The following CPNE4 variants were observed in gnomAD, a reference collection of about 807,000 sequenced individuals.
CPNE4 encodes copine 4.
Under a neutral mutation model 67.9 loss-of-function variants are expected in CPNE4, and 25 were observed. The observed-to-expected ratio is 0.37, with a 90% confidence interval of 0.27 to 0.51. The LOEUF is 0.51. Ranked by LOEUF, CPNE4 falls within the 20% of genes least tolerant of loss-of-function variation. The pLI is 0.93. For synonymous variants in CPNE4, 242 were observed against 244.9 expected (o/e 0.99, Z 0.11); for missense variants, 464 against 690.8 (o/e 0.67, Z 3.68).
chr3:131,961,157 A>G (rs1199847004), intron 1 of CPNE4, among the ~76,000 whole-genome samples: 1 of 152,232 alleles, frequency 6.6e-6, no homozygotes, highest in Non-Finnish European at 1.5e-5. Context: ...ATACTTTTGT[A>G]GAGAAAGTTA....
rs1936074543 is a variant in CPNE4, at chr3:131,549,840, CA to C, written c.1302+106del. The C allele has an allele frequency of 2.3e-6, 3 of 1,299,058 alleles. No homozygotes were observed. In the East Asian group the frequency reaches 7.0e-5, roughly 30 times the overall value. 80.5% of individuals were successfully genotyped at this position (1,299,058 alleles called of 1,614,324 possible). A position where few individuals can be genotyped will look rare whatever the true frequency, so the allele number is the denominator to read the frequency against. On this transcript the variant is annotated intron_variant, in intron 14 of 15. Transcript: ENST00000429747. The stretch of plus-strand genomic sequence containing the variant: ...GTTAAGTCATTTGTCCAAATTCACA[CA>C]GGGAGAAGTGTTGGAATTTATTGTT...
At chr3:131,990,941 C>CTT in intron 1 of CPNE4, among the ~76,000 whole-genome samples, 1 of 136,192 alleles carries the variant, frequency 7.3e-6, no homozygotes, top group East Asian at 2.4e-4. Context: ...TTATAAGGGG[C>CTT]TTTCCCCCCT....
Position 131,653,139 on chromosome 3 carries a change from ACTT to A in CPNE4, c.681+16533_681+16535del, listed in dbSNP as rs1374959366. On this transcript the variant is annotated intron_variant, in intron 7 of 15. Transcript: ENST00000429747. ...TTAACTCACATGGATTACTGATAGG[ACTT>A]CTTTTTTTTTTTTTTTTTTTTTTTG... Among the ~76,000 whole-genome samples the A allele has an allele frequency of 4.3e-5, 6 of 138,948 alleles. No individual in the cohort carries two copies. In the East Asian group the frequency reaches 6.2e-4, roughly 14 times the overall value. The allele number at this position is 138,948 out of a possible 152,430, so 91.2% of individuals were successfully genotyped here. A position where few individuals can be genotyped will look rare whatever the true frequency, so the allele number is the denominator to read the frequency against.
chr3:131,612,211 T>C (rs1939883382), intron 7 of CPNE4, among the ~76,000 whole-genome samples: 1 of 152,036 alleles, frequency 6.6e-6, no homozygotes, highest in Admixed American at 6.5e-5. Flanking sequence ...CCATGTCTAC[T>C]AGAAATATGA....
chr3:131,701,869 T>C (rs985591848), intron 3 of CPNE4, among the ~76,000 whole-genome samples: 2 of 152,332 alleles, frequency 1.3e-5, no homozygotes, highest in East Asian at 1.9e-4. Flanking sequence ...TTTTAAGCTT[T>C]TGAAGTACTT....
At chr3:131,979,049 A>G (rs1157610451) in intron 1 of CPNE4, among the ~76,000 whole-genome samples, 1 of 152,016 alleles carries the variant, frequency 6.6e-6, no homozygotes, top group Non-Finnish European at 1.5e-5. Context: ...CTGTGGTCTG[A>G]GAGAGTGCTT....
At chr3:131,759,475 T>C (rs10512822) in intron 2 of CPNE4, among the ~76,000 whole-genome samples, 41,373 of 152,066 alleles carry the variant, frequency 0.27, 5,759 homozygotes, top group East Asian at 0.35. Flanking sequence ...GTTTATAAAG[T>C]GGAGTTCCTA....
At chr3:131,849,389 C>T (rs1468751247) in intron 2 of CPNE4, among the ~76,000 whole-genome samples, 4 of 151,984 alleles carry the variant, frequency 2.6e-5, no homozygotes, top group Non-Finnish European at 5.9e-5. Context: ...AACGTTCAAT[C>T]GTGATGGAAG....
intron 2 of CPNE4, among the ~76,000 whole-genome samples, chr3:131,781,124 C>T (rs2083423737): frequency 6.6e-6 from 1 of 152,066 alleles, no homozygotes; most frequent in African/African-American, 2.4e-5. Context: ...CAATTCATTT[C>T]TGCCTGTCAG....
chr3:131,903,791 AT>A (rs772220970), intron 2 of CPNE4, among the ~76,000 whole-genome samples: 2 of 152,074 alleles, frequency 1.3e-5, no homozygotes, highest in African/African-American at 4.8e-5. Flanking sequence ...TTTAGGTCAT[AT>A]TGTTTCAAGT....
intron 7 of CPNE4, among the ~76,000 whole-genome samples, chr3:131,641,694 A>G (rs903757546): frequency 6.6e-6 from 1 of 152,196 alleles, no homozygotes; most frequent in Non-Finnish European, 1.5e-5. Flanking sequence ...TTATACAAAA[A>G]AGATACCTGT....
intron 15 of CPNE4, among the ~76,000 whole-genome samples, chr3:131,541,600 G>T (rs1481177457): frequency 3.4e-5 from 5 of 148,314 alleles, no homozygotes; most frequent in Non-Finnish European, 5.9e-5. Flanking sequence ...TACCCTCTTG[G>T]TCATTAATCA....
chr3:131,602,203 G>T lies in CPNE4; in HGVS notation c.682-14621C>A, dbSNP rs1939245478. 3.3e-5 allele frequency among the ~76,000 whole-genome samples: 5 copies of T among 152,170 alleles called. No individual in the cohort carries two copies. In the South Asian group the frequency reaches 1.0e-3, roughly 32 times the overall value. ...GAAACACTACACAGAATACCCAGGA[G>T]TCTGTGGTTTGTGACTATGGTAGCA... On this transcript the variant is annotated intron_variant, in intron 7 of 15. Coordinates refer to ENST00000429747, the MANE Select transcript of CPNE4 (RefSeq NM_130808.3).
At chr3:131,764,233 A>T (rs2082954668) in intron 2 of CPNE4, among the ~76,000 whole-genome samples, 1 of 151,984 alleles carries the variant, frequency 6.6e-6, no homozygotes, top group Non-Finnish European at 1.5e-5. Context: ...AGCAAAAAAA[A>T]GCAGGTTATA....
intron 1 of CPNE4, among the ~76,000 whole-genome samples, chr3:132,000,493 AAAAT>A (rs772891301): frequency 2.6e-5 from 4 of 151,060 alleles, no homozygotes; most frequent in Admixed American, 2.0e-4. Context: ...AATAAATAAT[AAAAT>A]AAATAATAAA....
At chr3:131,843,464 C>T (rs567440289) in intron 2 of CPNE4, among the ~76,000 whole-genome samples, 9 of 152,256 alleles carry the variant, frequency 5.9e-5, no homozygotes, top group Non-Finnish European at 7.4e-5. Flanking sequence ...AAAAGAAGAG[C>T]GTTTACATTG....
chr3:131,841,724 T>C (rs561693838), intron 2 of CPNE4, among the ~76,000 whole-genome samples: 1 of 152,312 alleles, frequency 6.6e-6, no homozygotes, highest in East Asian at 1.9e-4. Flanking sequence ...GTAATGAACA[T>C]GGAGATGGAC....
chr3:131,737,637 G>C (rs2082269802), intron 2 of CPNE4, among the ~76,000 whole-genome samples: 1 of 152,150 alleles, frequency 6.6e-6, no homozygotes, highest in Non-Finnish European at 1.5e-5. Flanking sequence ...GTCAACAATA[G>C]ATAGAGGACT....
At chr3:131,667,008 T>C (rs932525750) in intron 7 of CPNE4, among the ~76,000 whole-genome samples, 2 of 152,204 alleles carry the variant, frequency 1.3e-5, no homozygotes, top group African/African-American at 4.8e-5. Context: ...AATAATGTTT[T>C]ATAGTTTTAT....
Sources: allele counts gnomAD v4.1 joint callset (sites outside exome capture counted in the v4.1 genomes callset), GRCh38; gene constraint gnomAD v4.1.1; transcripts MANE v1.5; gene names NCBI Gene and HGNC (gene_info 2026-07-23, HGNC 2026-07-21).